Variants in PLCG2 observed in about 807,000 individuals in gnomAD.
PLCG2 encodes the protein 1-phosphatidylinositol 4,5-bisphosphate phosphodiesterase gamma-2.
PLCG2 carries 69 observed loss-of-function variants against 175.6 expected under a neutral mutation model. The observed-to-expected ratio is 0.39, with a 90% CI of 0.32 to 0.48. The LOEUF (loss-of-function observed/expected upper bound fraction) is 0.48, where lower values mean the gene tolerates loss of function less well. PLCG2 is among the 20% of genes least tolerant of loss of function. The pLI is 0.91. For synonymous variants in PLCG2, 827 were observed against 624.0 expected, an observed-to-expected ratio of 1.33 and a Z score of -4.85; for missense variants, 1,798 against 1,650.9, an observed-to-expected ratio of 1.09 and a Z score of -1.54.
chr16:81,784,121 A>C (rs1910866223), intron 1 of PLCG2, among the ~76,000 whole-genome samples: 1 of 152,152 alleles, frequency 6.6e-6, no homozygotes, highest in African/African-American at 2.4e-5. Flanking sequence ...GAGCAGGTGT[A>C]ATTATCTCCT....
At chr16:81,844,701 G>T (rs113151559) in intron 2 of PLCG2, among the ~76,000 whole-genome samples, 1 of 152,168 alleles carries the variant, frequency 6.6e-6, no homozygotes, top group Non-Finnish European at 1.5e-5. Flanking sequence ...TGTGCATTTT[G>T]CATAAAAAAA....
chr16:81,910,508 C>T lies in PLCG2; in HGVS notation c.1734-12C>T. 2 of 1,613,202 alleles carry T rather than the reference C, an allele frequency of 1.2e-6. No individual in the cohort carries two copies. Among genetic ancestry groups the T allele is most frequent in the African/African-American group, 2.7e-5 (2 of 75,060 alleles). On this transcript the variant is annotated splice_polypyrimidine_tract_variant and intron_variant, in intron 17 of 32. Transcript: ENST00000564138. ...GCGTTCTCCCAGCACTGATGGCGTC[C>T]TCTCCCCGCAGGCGGTCAGGCCGGG...
chr16:81,827,680 A>G (rs1905098194), intron 2 of PLCG2, among the ~76,000 whole-genome samples: 1 of 152,154 alleles, frequency 6.6e-6, no homozygotes, highest in African/African-American at 2.4e-5. Context: ...ACGGGGAGTC[A>G]GTGCATGTGT....
At chr16:81,830,124 A>C (rs1905201826) in intron 2 of PLCG2, among the ~76,000 whole-genome samples, 1 of 152,010 alleles carries the variant, frequency 6.6e-6, no homozygotes, top group Admixed American at 6.6e-5. Context: ...ATTTGAGAAT[A>C]GCCTGGGTAA....
intron 25 of PLCG2, 47 bp downstream of exon 25, chr16:81,931,701 G>T: frequency 6.4e-7 from 1 of 1,572,474 alleles, no homozygotes; most frequent in South Asian, 1.1e-5. Flanking sequence ...CATTCTGAGG[G>T]CTTTGGTGCT....
At chr16:81,759,338 G>C (rs1158317601) in intron 2 of PLCG2, among the ~76,000 whole-genome samples, 1 of 152,132 alleles carries the variant, frequency 6.6e-6, no homozygotes, top group Admixed American at 6.5e-5. Flanking sequence ...TGTATAAAGA[G>C]ATGGAAAAAG....
At chr16:81,769,442 C>T (rs774739685) in intron 2 of PLCG2, among the ~76,000 whole-genome samples, 9 of 152,132 alleles carry the variant, frequency 5.9e-5, no homozygotes, top group Non-Finnish European at 8.8e-5. Flanking sequence ...CAATAACTCC[C>T]GGCGCATCTC....
chr16:81,875,784 G>T (rs4243219), intron 7 of PLCG2, among the ~76,000 whole-genome samples: 1 of 151,996 alleles, frequency 6.6e-6, no homozygotes, highest in East Asian at 1.9e-4. Flanking sequence ...AATTGAGAAG[G>T]CTGCTAACGT....
chr16:81,898,100 T>G, intron 13 of PLCG2: 1 of 286,174 alleles, frequency 3.5e-6, no homozygotes, highest in Non-Finnish European at 6.9e-6. Flanking sequence ...TTTGAGAGTT[T>G]GCTTTCATTT....
intron 2 of PLCG2, among the ~76,000 whole-genome samples, chr16:81,830,910 G>T (rs566105337): frequency 4.5e-4 from 69 of 152,036 alleles, no homozygotes; most frequent in African/African-American, 1.1e-3. Flanking sequence ...AGATGGACAG[G>T]CACTGCGGGT....
At chr16:81,951,768 C>T (rs1181976011) in intron 31 of PLCG2, among the ~76,000 whole-genome samples, 1 of 152,124 alleles carries the variant, frequency 6.6e-6, no homozygotes, top group Non-Finnish European at 1.5e-5. Flanking sequence ...TGGTTTAACA[C>T]CAGCACAGTT....
chr16:81,809,702 C>A (rs984111468), intron 2 of PLCG2, among the ~76,000 whole-genome samples: 1 of 151,880 alleles, frequency 6.6e-6, no homozygotes, highest in Non-Finnish European at 1.5e-5. Context: ...CCTGTGTGTG[C>A]CTATGCATGT....
At chr16:81,809,325 G>A (rs1401981370) in intron 2 of PLCG2, among the ~76,000 whole-genome samples, 1 of 152,114 alleles carries the variant, frequency 6.6e-6, no homozygotes, top group Non-Finnish European at 1.5e-5. Context: ...ATGGCTGGGT[G>A]GGGAATCGGC....
intron 2 of PLCG2, among the ~76,000 whole-genome samples, chr16:81,826,994 G>C (rs888821181): frequency 1.3e-5 from 2 of 152,170 alleles, no homozygotes; most frequent in Non-Finnish European, 2.9e-5. Context: ...TCCTGGACTT[G>C]TTTCTACTTC....
intron 5 of PLCG2, among the ~76,000 whole-genome samples, chr16:81,859,571 T>G (rs917569452): frequency 4.6e-5 from 7 of 152,178 alleles, no homozygotes; most frequent in Admixed American, 1.3e-4. Context: ...GTCTCGCTCT[T>G]TCGCCCAGGC....
chr16:81,855,442 G>C (rs1297830343), intron 3 of PLCG2, among the ~76,000 whole-genome samples: 1 of 152,198 alleles, frequency 6.6e-6, no homozygotes, highest in Non-Finnish European at 1.5e-5. Context: ...AGACCAAAGT[G>C]GGTGAGGCAG....
At chr16:81,914,166 G>C (rs1909744351) in intron 19 of PLCG2, among the ~76,000 whole-genome samples, 1 of 152,236 alleles carries the variant, frequency 6.6e-6, no homozygotes, top group South Asian at 2.1e-4. Context: ...CACTCCCACT[G>C]TGCTGTCATC....
intron 1 of PLCG2, among the ~76,000 whole-genome samples, chr16:81,785,469 A>T (rs1284660415): frequency 6.7e-6 from 1 of 149,088 alleles, no homozygotes; most frequent in African/African-American, 2.5e-5. Flanking sequence ...ATGATTCTGA[A>T]GGTTTAGTTT....
At chr16:81,946,380 A>T in intron 31 of PLCG2, 117 bp downstream of exon 31, 1 of 735,842 alleles carries the variant, frequency 1.4e-6, no homozygotes, top group Admixed American at 2.1e-5. Flanking sequence ...TGTCTAGCCC[A>T]AGCATGAGAC....
Sources: allele counts gnomAD v4.1 joint callset (sites outside exome capture counted in the v4.1 genomes callset), GRCh38; gene constraint gnomAD v4.1.1; transcripts MANE v1.5; gene names NCBI Gene and HGNC (gene_info 2026-07-23, HGNC 2026-07-21).